Variants in TFAP2A observed in about 807,000 individuals in gnomAD.
TFAP2A encodes the protein transcription factor AP-2 alpha, also known as transcription factor AP-2-alpha.
TFAP2A carries 7 observed loss-of-function variants against 41.5 expected under a neutral mutation model. The observed-to-expected ratio is 0.17, with a 90% CI of 0.10 to 0.32. The LOEUF is 0.32. Ranked by LOEUF, TFAP2A falls within the 10% of genes least tolerant of loss-of-function variation. The pLI is 1.00. For missense variants in TFAP2A, 416 were observed against 563.3 expected, an observed-to-expected ratio of 0.74 and a Z score of 2.65; for synonymous variants, 247 against 242.8, an observed-to-expected ratio of 1.02 and a Z score of -0.16.
At chr6:10,402,411 T>C (rs1166929558) in intron 5 of TFAP2A, 81 bp downstream of exon 5, 2 of 1,049,016 alleles carry the variant, frequency 1.9e-6, no homozygotes, top group Admixed American at 3.4e-5. Flanking sequence ...TGACATAAAA[T>C]ACGACCAAAC....
In TFAP2A at chr6:10,398,816, T is replaced by G; in HGVS notation, c.1032-111A>C. 1 of 1,321,726 alleles carries G rather than the reference T, an allele frequency of 7.6e-7. No homozygotes were observed. The highest frequency in any genetic ancestry group is 1.0e-6 in the Non-Finnish European group (1 of 962,398). The allele number at this position is 1,321,726 out of a possible 1,614,324, so 81.9% of individuals were successfully genotyped here. ...GCTACCTCTGCCGGGATCCAGCCGG[T>G]ACCTGACATGACCCAAGACCCCAGA... On this transcript the variant is annotated intron_variant, in intron 6 of 6. Coordinates refer to ENST00000379613, the MANE Select transcript of TFAP2A (RefSeq NM_001372066.1). The surrounding 1 kb of genome is among the most constrained non-coding windows in gnomAD (Gnocchi z 5.3).
chr6:10,410,403 A>C, intron 1 of TFAP2A, 68 bp from the exon 2 acceptor site: 2 of 1,480,688 alleles, frequency 1.4e-6, no homozygotes, highest in African/African-American at 1.4e-5. Flanking sequence ...ATCCACACAA[A>C]ATCCACTTGA....
chr6:10,406,938 A>G, intron 2 of TFAP2A, 94 bp from the exon 3 acceptor site: 2 of 982,620 alleles, frequency 2.0e-6, no homozygotes, highest in East Asian at 2.4e-5. Flanking sequence ...AAGGTGTAGA[A>G]TCAAAATTCC....
chr6:10,403,857 C>T (rs1757538899), intron 4 of TFAP2A, among the ~76,000 whole-genome samples: 1 of 152,198 alleles, frequency 6.6e-6, no homozygotes, highest in South Asian at 2.1e-4. Context: ...TGCACGTAAA[C>T]ATGCTCGCAC....
At chr6:10,407,006 G>A in intron 2 of TFAP2A, 162 bp from the exon 3 acceptor site, 1 of 676,538 alleles carries the variant, frequency 1.5e-6, no homozygotes, top group East Asian at 2.7e-5. Context: ...TTGGAATTTG[G>A]GGCTTTGCAA....
chr6:10,402,702 G>A, intron 4 of TFAP2A, 92 bp from the exon 5 acceptor site: 1 of 1,022,802 alleles, frequency 9.8e-7, no homozygotes, highest in Non-Finnish European at 1.5e-6. Context: ...CCTAAAATGT[G>A]CTTTCAAAAA....
At chr6:10,411,090 GAAACGCCT>G (rs1045923811) in intron 1 of TFAP2A, 6 of 119,856 alleles carry the variant, frequency 5.0e-5, no homozygotes, top group African/African-American at 2.0e-4. Flanking sequence ...AAGGGCAGAA[GAAACGCCT>G]GACTTTAGGT....
In TFAP2A at chr6:10,396,845, T is replaced by C. The variant is rs1476033051; in HGVS notation, c.*1572A>G. On this transcript the variant is annotated 3_prime_UTR_variant, in exon 7 of 7. Transcript: ENST00000379613. The stretch of plus-strand genomic sequence containing the variant: ...ATACAGACACAGTGGAATATCTAAA[T>C]GATACCCTGCTCTGAACTCCAAGTT... 6.6e-6 allele frequency: 1 copy of C among 152,610 alleles called. No homozygotes were observed. The highest frequency in any genetic ancestry group is 1.5e-5 in the Non-Finnish European group (1 of 68,024). 9.5% of individuals were successfully genotyped at this position (152,610 alleles called of 1,614,324 possible).
In TFAP2A at chr6:10,397,560, C is replaced by A. The variant is rs1761814367; in HGVS notation, c.*857G>T. The A allele has an allele frequency of 6.6e-6, 1 of 152,182 alleles. No individual in the cohort carries two copies. Among genetic ancestry groups the A allele is most frequent in the African/African-American group, 2.4e-5 (1 of 41,358 alleles). 9.4% of individuals were successfully genotyped at this position (152,182 alleles called of 1,614,324 possible). A position where few individuals can be genotyped will look rare whatever the true frequency, so the allele number is the denominator to read the frequency against. On this transcript the variant is annotated 3_prime_UTR_variant, in exon 7 of 7. Transcript: ENST00000379613. The stretch of plus-strand genomic sequence containing the variant: ...TCATGAATCCCAGAGAAAAAAATCC[C>A]CCAAACACTGGATTTCTAAATCAGT...
chr6:10,412,538 C>CG (rs1189539048), intron 1 of TFAP2A: 1 of 52,788 alleles, frequency 1.9e-5, no homozygotes, highest in Non-Finnish European at 3.6e-5. Flanking sequence ...GGGGAGGCCG[C>CG]GGGGGAGGGG....
Position 10,406,826 on chromosome 6 carries a change from T to C in TFAP2A, c.505A>G (p.Ile169Val). ...ATTACAGTTTGATCTGGGATGTTAA[T>C]ACCCGGGTCTTCTACATGCTGCAAC... ...EEVPHVEDPG[I>V]NIPDQTVIKK... Residue 169 changes from isoleucine (I) to valine (V), a missense_variant, in exon 3 of 7, where the codon ATT becomes GTT. Transcript: ENST00000379613. 1 of 1,613,610 alleles carries C rather than the reference T, an allele frequency of 6.2e-7. No homozygotes were observed. The highest frequency in any genetic ancestry group is 1.1e-5 in the South Asian group (1 of 91,078).
chr6:10,419,641 T>A (rs1758361351), upstream of TFAP2A: 1 of 683,172 alleles, frequency 1.5e-6, no homozygotes, highest in South Asian at 1.7e-5. Context: ...CTCCGCCAGC[T>A]GCAGTCCCAG....
At chr6:10,415,365 G>C (rs937892505), upstream of TFAP2A, 10 of 1,020,970 alleles carry the variant, frequency 9.8e-6, no homozygotes, top group South Asian at 3.5e-5. Context: ...ATCTGCCGCC[G>C]GCCGCTCCGA....
chr6:10,398,496 A>G lies in TFAP2A; in HGVS notation c.1241T>C (p.Met414Thr). Reference protein sequence around the residue: ...LTEALKAMDKMYLSNNPNSHT... With the variant: ...LTEALKAMDKTYLSNNPNSHT... ...GCTGTTGGGGTTGTTGCTGAGGTAC[A>G]TTTTGTCCATGGCCTTGAGGGCCTC... Residue 414 changes from methionine (M) to threonine (T), a missense_variant, in exon 7 of 7, where the codon ATG becomes ACG. Transcript: ENST00000379613. This position sits in a 1 kb window ranked among gnomAD's most constrained non-coding sequence, Gnocchi z 5.3. 6.2e-7 allele frequency: 1 copy of G among 1,614,008 alleles called. No homozygotes were observed. The highest frequency in any genetic ancestry group is 8.5e-7 in the Non-Finnish European group (1 of 1,179,990).
At chr6:10,400,695 AG>A (rs1413690424) in intron 5 of TFAP2A, 106 bp from the exon 6 acceptor site, 1 of 1,308,656 alleles carries the variant, frequency 7.6e-7, no homozygotes, top group East Asian at 2.3e-5. Flanking sequence ...CAGATGTTGC[AG>A]GAAACACAAA....
chr6:10,412,309 G>T, intron 1 of TFAP2A: 1 of 985,886 alleles, frequency 1.0e-6, no homozygotes, highest in Non-Finnish European at 1.2e-6. Context: ...AAAAGTGAAA[G>T]AGAAAGAGGC....
chr6:10,411,684 A>G, intron 1 of TFAP2A: 1 of 1,602,888 alleles, frequency 6.2e-7, no homozygotes, highest in Non-Finnish European at 8.5e-7. Flanking sequence ...AGCGCGCCCC[A>G]CACAAAAGGC....
chr6:10,398,239 C>G lies in TFAP2A; in HGVS notation c.*178G>C. ...TCGGAGAGGCTGCCCCACTGACAGT[C>G]GAGAGGGCAGTCCCGGAGACTCGGG... On this transcript the variant is annotated 3_prime_UTR_variant, in exon 7 of 7. Transcript: ENST00000379613. The surrounding 1 kb of genome is among the most constrained non-coding windows in gnomAD (Gnocchi z 5.3). The G allele has an allele frequency of 6.7e-7, 1 of 1,500,162 alleles. No homozygotes were observed. Among genetic ancestry groups the G allele is most frequent in the Non-Finnish European group, 8.9e-7 (1 of 1,129,486 alleles). The allele number at this position is 1,500,162 out of a possible 1,614,324, so 92.9% of individuals were successfully genotyped here.
At chr6:10,411,487 G>C in intron 1 of TFAP2A, 1 of 1,611,660 alleles carries the variant, frequency 6.2e-7, no homozygotes, top group African/African-American at 1.3e-5. Context: ...CGTGAAACCC[G>C]AGGTTTCGGG....
Sources: allele counts gnomAD v4.1 joint callset (sites outside exome capture counted in the v4.1 genomes callset), GRCh38; gene constraint gnomAD v4.1.1; non-coding constraint Gnocchi (gnomAD v3.1); transcripts MANE v1.5; gene names NCBI Gene and HGNC (gene_info 2026-07-23, HGNC 2026-07-21).